Variants in LYPD6B observed in about 807,000 individuals in gnomAD.
The protein encoded by LYPD6B is ly6/PLAUR domain-containing protein 6B.
In LYPD6B, 17 loss-of-function variants were observed where a neutral mutation model predicts 22.8. The observed-to-expected ratio is 0.75, with a 90% CI of 0.51 to 1.12. The LOEUF (loss-of-function observed/expected upper bound fraction) is 1.12. Among genes scored for constraint, LYPD6B ranks in the 50% most tolerant of loss-of-function variants. The pLI is 0.00. For missense variants in LYPD6B, 221 were observed against 258.3 expected (o/e 0.86, Z 0.99); for synonymous variants, 106 against 91.6 (o/e 1.16, Z -0.90).
intron 3 of LYPD6B, among the ~76,000 whole-genome samples, chr2:149,199,429 A>G (rs1693020136): frequency 6.6e-6 from 1 of 152,198 alleles, no homozygotes; most frequent in Admixed American, 6.5e-5. Flanking sequence ...TTTGGTCCCA[A>G]TAATTTTTGA....
At position 149,215,053 on chromosome 2, in the gene LYPD6B, G is replaced by A. The variant is rs1176044030; in HGVS notation, c.*343G>A. 7.7e-6 allele frequency: 2 copies of A among 259,826 alleles called. No individual in the cohort carries two copies. Among genetic ancestry groups the A allele is most frequent in the Non-Finnish European group, 1.5e-5 (2 of 134,160 alleles). 16.1% of individuals were successfully genotyped at this position (259,826 alleles called of 1,614,324 possible). A position where few individuals can be genotyped will look rare whatever the true frequency, so the allele number is the denominator to read the frequency against. On this transcript the variant is annotated 3_prime_UTR_variant, in exon 7 of 7. Coordinates refer to ENST00000409642, the MANE Select transcript of LYPD6B (RefSeq NM_177964.5). Reference sequence around the variant, plus strand: ...TCTTGACCTCCTTGACTGCCTCAGAGGCTGCCAGGTCAAACCCTCTTGTTT... The same window carrying A: ...TCTTGACCTCCTTGACTGCCTCAGAAGCTGCCAGGTCAAACCCTCTTGTTT...
chr2:149,168,211 CAAAAAAA>C (rs386391472), intron 3 of LYPD6B, among the ~76,000 whole-genome samples: 1 of 48,488 alleles, frequency 2.1e-5, no homozygotes. Context: ...GGCTCTGTCT[CAAAAAAA>C]AAAAAAAAAA....
chr2:149,115,554 G>T (rs935079825), intron 1 of LYPD6B, among the ~76,000 whole-genome samples: 1 of 152,138 alleles, frequency 6.6e-6, no homozygotes, highest in African/African-American at 2.4e-5. Context: ...AGCCACTTTT[G>T]AGCCAGATCA....
chr2:149,043,591 T>C (rs959026579), intron 1 of LYPD6B, among the ~76,000 whole-genome samples: 1 of 152,164 alleles, frequency 6.6e-6, no homozygotes, highest in East Asian at 1.9e-4. Context: ...GACTGCCTTG[T>C]CATTTTTATT....
intron 1 of LYPD6B, among the ~76,000 whole-genome samples, chr2:149,098,705 C>T (rs1249944560): frequency 6.7e-6 from 1 of 148,846 alleles, no homozygotes; most frequent in Non-Finnish European, 1.5e-5. Context: ...TTATCTATTG[C>T]ATGAGTACAT....
At chr2:149,068,086 C>G (rs1397868526) in intron 1 of LYPD6B, among the ~76,000 whole-genome samples, 1 of 152,038 alleles carries the variant, frequency 6.6e-6, no homozygotes, top group East Asian at 1.9e-4. Flanking sequence ...AGTCTTTGCC[C>G]AAATCTCTGC....
chr2:149,171,032 G>A (rs1690778125), intron 3 of LYPD6B, among the ~76,000 whole-genome samples: 1 of 152,206 alleles, frequency 6.6e-6, no homozygotes, highest in African/African-American at 2.4e-5. Context: ...TAAAACAAGT[G>A]GTGATCCTGA....
intron 1 of LYPD6B, among the ~76,000 whole-genome samples, chr2:149,112,575 C>G (rs759493826): frequency 6.6e-6 from 1 of 152,054 alleles, no homozygotes; most frequent in Non-Finnish European, 1.5e-5. Context: ...ATATACATCC[C>G]TTAATGTCTC....
chr2:149,175,855 C>T (rs746246479), intron 3 of LYPD6B, among the ~76,000 whole-genome samples: 11 of 151,984 alleles, frequency 7.2e-5, no homozygotes, highest in Middle Eastern at 6.8e-3. Context: ...ACTGGAAGGT[C>T]TTCAGGGGCA....
intron 1 of LYPD6B, among the ~76,000 whole-genome samples, chr2:149,120,568 A>G (rs1312446100): frequency 4.0e-5 from 6 of 148,250 alleles, no homozygotes; most frequent in Non-Finnish European, 7.4e-5. Flanking sequence ...TATTTTTAGT[A>G]GAGACGGGGT....
At chr2:149,204,274 C>A (rs1693362470) in intron 3 of LYPD6B, among the ~76,000 whole-genome samples, 1 of 152,170 alleles carries the variant, frequency 6.6e-6, no homozygotes, top group African/African-American at 2.4e-5. Flanking sequence ...CAAGGTCAGG[C>A]AGCTAATAAA....
At chr2:149,213,935 T>C (rs1328568704) in intron 6 of LYPD6B, among the ~76,000 whole-genome samples, 1 of 152,192 alleles carries the variant, frequency 6.6e-6, no homozygotes, top group South Asian at 2.1e-4. Context: ...CTAGTCATCC[T>C]GGAAGCCTCT....
At chr2:149,154,130 C>G (rs1208212656) in intron 2 of LYPD6B, 1 of 616,870 alleles carries the variant, frequency 1.6e-6, no homozygotes, top group African/African-American at 2.0e-5. Context: ...CCCCCCACCC[C>G]CCAAAAAAAT....
chr2:149,151,306 A>C (rs956140940), intron 2 of LYPD6B, among the ~76,000 whole-genome samples: 5 of 152,046 alleles, frequency 3.3e-5, no homozygotes, highest in African/African-American at 1.2e-4. Context: ...CACAGGGAGA[A>C]GGCCTGTGTT....
At chr2:149,116,087 C>T (rs1559006427) in intron 1 of LYPD6B, among the ~76,000 whole-genome samples, 1 of 152,198 alleles carries the variant, frequency 6.6e-6, no homozygotes, top group Non-Finnish European at 1.5e-5. Flanking sequence ...ATCATGTAGG[C>T]ATTTTATCAT....
intron 3 of LYPD6B, among the ~76,000 whole-genome samples, chr2:149,169,987 G>A (rs1173618853): frequency 6.6e-6 from 1 of 152,164 alleles, no homozygotes; most frequent in Non-Finnish European, 1.5e-5. Context: ...TTTCTGTTTA[G>A]TAATATGAAT....
chr2:149,119,278 A>T (rs1185217647), intron 1 of LYPD6B: 1 of 152,216 alleles, frequency 6.6e-6, no homozygotes, highest in Non-Finnish European at 1.5e-5. Flanking sequence ...GTTTTAGTTT[A>T]AAAAAACTCT....
At chr2:149,100,664 A>G (rs1167723735) in intron 1 of LYPD6B, among the ~76,000 whole-genome samples, 6 of 152,086 alleles carry the variant, frequency 3.9e-5, no homozygotes, top group Non-Finnish European at 7.4e-5. Context: ...CTTCTCATCA[A>G]TCCCTTCAAC....
At chr2:149,072,487 A>ATTTTG (rs1486920173) in intron 1 of LYPD6B, among the ~76,000 whole-genome samples, 1 of 100,830 alleles carries the variant, frequency 9.9e-6, no homozygotes, top group African/African-American at 4.0e-5. Flanking sequence ...GGTTATTTTT[A>ATTTTG]TTTTATTTTA....
Sources: allele counts gnomAD v4.1 joint callset (sites outside exome capture counted in the v4.1 genomes callset), GRCh38; gene constraint gnomAD v4.1.1; transcripts MANE v1.5; gene names NCBI Gene and HGNC (gene_info 2026-07-23, HGNC 2026-07-21).